WNK2: variants seen among roughly 807,000 people sequenced by gnomAD.
WNK2 encodes WNK lysine deficient protein kinase 2, also known as serine/threonine-protein kinase WNK2.
Under a neutral mutation model 192.1 loss-of-function variants are expected in WNK2, and 67 were observed. That is an observed-to-expected ratio of 0.35 (90% CI 0.29 to 0.43). The LOEUF (loss-of-function observed/expected upper bound fraction) is 0.43. Ranked by LOEUF, WNK2 falls within the 20% of genes least tolerant of loss-of-function variation. The probability of loss-of-function intolerance (pLI) is 1.00; values close to 1 mark genes in which losing one functional copy is unlikely to be tolerated. For missense variants in WNK2, 2,698 were observed against 3,089.7 expected (o/e 0.87, Z 3.01); for synonymous variants, 1,439 against 1,393.9 (o/e 1.03, Z -0.72).
chr9:93,318,709 C>G, intron 29 of WNK2: 1 of 1,455,272 alleles, frequency 6.9e-7, no homozygotes, highest in Non-Finnish European at 9.1e-7. Context: ...GCTCTGCTCA[C>G]CCCTGGCATG....
chr9:93,274,987 T>G (rs1846577037), intron 19 of WNK2, among the ~76,000 whole-genome samples: 1 of 152,192 alleles, frequency 6.6e-6, no homozygotes, highest in Non-Finnish European at 1.5e-5. Flanking sequence ...AAGAGAATGA[T>G]AGACCAATAA....
At chr9:93,195,559 C>T (rs1243390248) in intron 2 of WNK2, among the ~76,000 whole-genome samples, 1 of 151,592 alleles carries the variant, frequency 6.6e-6, no homozygotes, top group Non-Finnish European at 1.5e-5. Context: ...ATTAGCTGGG[C>T]GTGGTGGCGG....
intron 3 of WNK2, 147 bp from the exon 4 acceptor site, chr9:93,230,741 C>G (rs375704283): frequency 1.3e-6 from 1 of 784,716 alleles, no homozygotes; most frequent in African/African-American, 1.7e-5. Flanking sequence ...CCGGCCCTCC[C>G]GTCTCACCTT....
intron 7 of WNK2, among the ~76,000 whole-genome samples, chr9:93,245,724 A>G (rs142680166): frequency 6.6e-6 from 1 of 152,224 alleles, no homozygotes; most frequent in African/African-American, 2.4e-5. Flanking sequence ...GTTTTACTCA[A>G]TGGGTCCTGC....
chr9:93,198,406 G>A (rs897498640), intron 2 of WNK2, among the ~76,000 whole-genome samples: 3 of 152,230 alleles, frequency 2.0e-5, no homozygotes, highest in Non-Finnish European at 2.9e-5. Flanking sequence ...CCATCCAGCT[G>A]CTTTGGGTGG....
At position 93,198,328 on chromosome 9, in the gene WNK2, C is replaced by T. The variant is rs544694779; in HGVS notation, c.681+12718C>T. Among the ~76,000 whole-genome samples the T allele has an allele frequency of 1.1e-4, 17 of 152,336 alleles. No individual in the cohort carries two copies. In the South Asian group the frequency reaches 2.9e-3, roughly 26 times the overall value. ...TGCTGTCAGCCTTGAGGGAGCTGAG[C>T]GGCTGCAGTTTCCCCAGGCAGGCGG... On this transcript the variant is annotated intron_variant, in intron 2 of 29. Transcript: ENST00000427277.
chr9:93,249,675 C>T (rs978228943), intron 8 of WNK2, among the ~76,000 whole-genome samples: 10 of 151,458 alleles, frequency 6.6e-5, no homozygotes, highest in African/African-American at 2.2e-4. Context: ...AGGGTTTCAC[C>T]GTGTTAGCCA....
At chr9:93,312,157 T>C (rs1021615542) in intron 28 of WNK2, among the ~76,000 whole-genome samples, 2 of 152,236 alleles carry the variant, frequency 1.3e-5, no homozygotes, top group African/African-American at 2.4e-5. Context: ...ATAATCCAGA[T>C]ATTAATCCCT....
intron 11 of WNK2, 47 bp from the exon 12 acceptor site, chr9:93,258,884 G>C (rs374688061): frequency 3.5e-5 from 54 of 1,542,036 alleles, no homozygotes; most frequent in African/African-American, 5.4e-5. Context: ...CTGTGGGCAG[G>C]GACCCTGGTT....
Position 93,289,556 on chromosome 9 carries a change from A to T in WNK2, c.4802A>T (p.Asp1601Val). The change falls in exon 20 of 30, where the codon GAC becomes GTC. Residue 1601 changes from aspartate (D) to valine (V), a missense_variant. By Grantham distance (152) the Asp-to-Val change is radical. This residue lies in a region of WNK2 where 1,098 missense variants were observed against 1,101.0 expected (regional missense o/e 1.00). Transcript: ENST00000427277. ...DQPRSEVCGG[D>V]LALPPVPKEA... Reference sequence around the variant, plus strand: ...CCCCGCTCAGAGGTCTGCGGGGGGGACCTGGCCCTGCCCCCAGTGCCTAAG... The same window carrying T: ...CCCCGCTCAGAGGTCTGCGGGGGGGTCCTGGCCCTGCCCCCAGTGCCTAAG... The T allele has an allele frequency of 6.4e-7, 1 of 1,555,338 alleles. No individual in the cohort carries two copies. Among genetic ancestry groups the T allele is most frequent in the East Asian group, 2.3e-5 (1 of 43,846 alleles).
At chr9:93,312,170 T>TATGTTGATCATATAATCAA (rs2134350013) in intron 28 of WNK2, among the ~76,000 whole-genome samples, 1 of 152,348 alleles carries the variant, frequency 6.6e-6, no homozygotes, top group East Asian at 1.9e-4. Flanking sequence ...TAATCCCTTA[T>TATGTTGATCATATAATCAA]CAGATATATG....
chr9:93,271,478 G>A (rs1845995230), intron 19 of WNK2, among the ~76,000 whole-genome samples: 1 of 152,150 alleles, frequency 6.6e-6, no homozygotes, highest in Non-Finnish European at 1.5e-5. Context: ...TAAAGCAACT[G>A]TTATAAATAT....
intron 2 of WNK2, among the ~76,000 whole-genome samples, chr9:93,187,310 G>T (rs1328492752): frequency 6.6e-6 from 1 of 152,168 alleles, no homozygotes; most frequent in Non-Finnish European, 1.5e-5. Context: ...CCTGGCCTCT[G>T]TCCAGGGGTC....
chr9:93,294,641 A>C (rs1470309998), intron 23 of WNK2, among the ~76,000 whole-genome samples: 1 of 152,136 alleles, frequency 6.6e-6, no homozygotes, highest in African/African-American at 2.4e-5. Flanking sequence ...GGATGTGAGA[A>C]CACTGGGGAG....
At chr9:93,305,389 G>C (rs946273506) in intron 26 of WNK2, among the ~76,000 whole-genome samples, 1 of 152,188 alleles carries the variant, frequency 6.6e-6, no homozygotes, top group Non-Finnish European at 1.5e-5. Flanking sequence ...CCATTGAGGG[G>C]ATATCAGCTC....
At chr9:93,316,411 T>C (rs56228105) in intron 28 of WNK2, 2 of 152,356 alleles carry the variant, frequency 1.3e-5, no homozygotes, top group Non-Finnish European at 2.9e-5. Flanking sequence ...TTCCTGTGAA[T>C]GTAGTGTCCG....
intron 2 of WNK2, among the ~76,000 whole-genome samples, chr9:93,205,786 G>T (rs116238160): frequency 6.6e-6 from 1 of 152,148 alleles, no homozygotes; most frequent in Non-Finnish European, 1.5e-5. Context: ...GCCTTTCTTC[G>T]TGGCCCCTTG....
intron 9 of WNK2, among the ~76,000 whole-genome samples, chr9:93,254,973 C>G (rs1417456363): frequency 6.6e-6 from 1 of 152,180 alleles, no homozygotes; most frequent in Non-Finnish European, 1.5e-5. Flanking sequence ...TGAGGCACTC[C>G]TGGCCTGGGC....
chr9:93,231,983 G>C (rs1325820829), intron 4 of WNK2, among the ~76,000 whole-genome samples: 1 of 152,210 alleles, frequency 6.6e-6, no homozygotes, highest in Non-Finnish European at 1.5e-5. Context: ...CCAGGATGAT[G>C]GGAAAGCTGC....
Sources: allele counts gnomAD v4.1 joint callset (sites outside exome capture counted in the v4.1 genomes callset), GRCh38; gene constraint gnomAD v4.1.1; regional missense constraint gnomAD v4.1.1; transcripts MANE v1.5; gene names NCBI Gene and HGNC (gene_info 2026-07-23, HGNC 2026-07-21).